Variants in OCIAD1 observed in about 807,000 individuals in gnomAD.
OCIAD1 encodes the protein OCIA domain-containing protein 1.
Under a neutral mutation model 38.9 loss-of-function variants are expected in OCIAD1, and 29 were observed. The ratio of observed to expected loss-of-function variants is 0.74; its 90% CI spans 0.55 to 1.02. OCIAD1 has a LOEUF of 1.02. Ranked by LOEUF, OCIAD1 falls within the 50% of genes least tolerant of loss-of-function variation. The pLI is 0.00. For synonymous variants in OCIAD1, 110 were observed against 92.0 expected (o/e 1.20, Z -1.12); for missense variants, 288 against 289.6 (o/e 0.99, Z 0.04).
upstream of OCIAD1, among the ~76,000 whole-genome samples, chr4:48,828,272 T>C (rs1777271266): frequency 6.6e-6 from 1 of 152,242 alleles, no homozygotes; most frequent in African/African-American, 2.4e-5. Flanking sequence ...ATCAGCACTC[T>C]GTGTCTAGCT....
chr4:48,827,809 C>T (rs1372962675), upstream of OCIAD1, among the ~76,000 whole-genome samples: 1 of 152,224 alleles, frequency 6.6e-6, no homozygotes, highest in African/African-American at 2.4e-5. Flanking sequence ...CCTGCAGCCC[C>T]GGCATGGGAT....
intron 8 of OCIAD1, chr4:48,860,182 CTTATA>C (rs1432973211): frequency 6.6e-6 from 1 of 152,356 alleles, no homozygotes; most frequent in Non-Finnish European, 1.5e-5. Flanking sequence ...GTATTTTCTT[CTTATA>C]GTAGTATTTA....
Position 48,857,295 on chromosome 4 carries a change from T to C in OCIAD1, c.630T>C (p.Tyr210=), listed in dbSNP as rs143788141. Residue 210 remains tyrosine, a synonymous_variant, in exon 8 of 9, where the codon TAT becomes TAC. Coordinates refer to ENST00000264312, the MANE Select transcript of OCIAD1 (RefSeq NM_017830.4). ...TAAGGAATAAGAACAGAGAGTCATA[T>C]GAAGTATCTTTAACACAAAAGACTG... is the stretch of plus-strand genomic sequence containing the variant. The part of the protein sequence containing the change: ...EELRNKNRES[Y]EVSLTQKTDP... 1,141 of 1,602,258 alleles carry C rather than the reference T, an allele frequency of 7.1e-4. 5 individuals carry two copies. Among genetic ancestry groups the C allele is most frequent in the Middle Eastern group, 5.5e-3 (33 of 6,010 alleles).
At chr4:48,810,193 G>A (rs1164270478) in intron 1 of OCIAD1, among the ~76,000 whole-genome samples, 1 of 152,116 alleles carries the variant, frequency 6.6e-6, no homozygotes, top group African/African-American at 2.4e-5. Context: ...AACTCGGTGT[G>A]TGTGTGTGTT....
chr4:48,843,605 A>G (rs1158465753), intron 4 of OCIAD1, among the ~76,000 whole-genome samples: 1 of 152,332 alleles, frequency 6.6e-6, no homozygotes, highest in South Asian at 2.1e-4. Flanking sequence ...ACAATACAGT[A>G]CCATGACAAA....
At chr4:48,829,965 T>A (rs556791334), upstream of OCIAD1, among the ~76,000 whole-genome samples, 2 of 152,322 alleles carry the variant, frequency 1.3e-5, no homozygotes, top group South Asian at 4.1e-4. Context: ...CTCTGGGGTG[T>A]ATTTCAGGGA....
Position 48,850,097 on chromosome 4 carries a change from G to C in OCIAD1, c.377+15G>C. 6.2e-7 allele frequency: 1 copy of C among 1,605,662 alleles called. No homozygotes were observed. The highest frequency in any genetic ancestry group is 8.5e-7 in the Non-Finnish European group (1 of 1,177,716). On this transcript the variant is annotated intron_variant, in intron 6 of 8. Coordinates refer to ENST00000264312, the MANE Select transcript of OCIAD1 (RefSeq NM_017830.4). ...TCACCACCTGGGTAGGCCAGATTCT[G>C]ATCTTTACTTAAGATTTTTAATTTT...
At chr4:48,833,114 G>T (rs1277910860) in intron 2 of OCIAD1, among the ~76,000 whole-genome samples, 1 of 152,086 alleles carries the variant, frequency 6.6e-6, no homozygotes, top group African/African-American at 2.4e-5. Context: ...AGCCTGGCGT[G>T]GTGATGGGTG....
chr4:48,839,679 A>T (rs945215913), intron 3 of OCIAD1, among the ~76,000 whole-genome samples: 1 of 152,172 alleles, frequency 6.6e-6, no homozygotes, highest in Non-Finnish European at 1.5e-5. Context: ...TGAAATAAAA[A>T]TTTTTATTGA....
At chr4:48,816,343 C>T (rs932483580) in intron 1 of OCIAD1, among the ~76,000 whole-genome samples, 1 of 152,042 alleles carries the variant, frequency 6.6e-6, no homozygotes, top group Middle Eastern at 3.2e-3. Context: ...ATTAAAAATA[C>T]AAAATATAGT....
At chr4:48,832,594 C>T (rs773873124) in intron 1 of OCIAD1, 26 bp from the exon 2 acceptor site, 7 of 1,576,270 alleles carry the variant, frequency 4.4e-6, no homozygotes, top group Admixed American at 1.7e-5. Flanking sequence ...GTTTCTAATA[C>T]TTAATATGTA....
At chr4:48,834,617 A>T (rs950150492) in intron 3 of OCIAD1, among the ~76,000 whole-genome samples, 23 of 152,174 alleles carry the variant, frequency 1.5e-4, no homozygotes, top group Non-Finnish European at 7.4e-5. Context: ...CAAAAATGAA[A>T]GAAATTAGCT....
intron 1 of OCIAD1, among the ~76,000 whole-genome samples, chr4:48,819,304 A>G (rs1159904013): frequency 6.6e-6 from 1 of 152,188 alleles, no homozygotes; most frequent in Non-Finnish European, 1.5e-5. Context: ...ACTAAGCTTC[A>G]TAAGAAAAGG....
chr4:48,816,330 G>A (rs1378814416), intron 1 of OCIAD1, among the ~76,000 whole-genome samples: 3 of 152,094 alleles, frequency 2.0e-5, no homozygotes, highest in South Asian at 2.1e-4. Flanking sequence ...TATGCTAATG[G>A]CAATTAAAAA....
At chr4:48,819,564 T>A (rs540179686) in intron 1 of OCIAD1, among the ~76,000 whole-genome samples, 1 of 151,928 alleles carries the variant, frequency 6.6e-6, no homozygotes, top group South Asian at 2.1e-4. Context: ...GCCTTCAGTG[T>A]AAATGGGCTA....
At chr4:48,833,200 C>A (rs1303744583) in intron 2 of OCIAD1, among the ~76,000 whole-genome samples, 1 of 151,928 alleles carries the variant, frequency 6.6e-6, no homozygotes, top group Non-Finnish European at 1.5e-5. Flanking sequence ...TGCAGTGAGC[C>A]GAGATCGCGC....
chr4:48,849,950 C>T lies in OCIAD1; in HGVS notation c.245C>T (p.Ala82Val), dbSNP rs1440149910. Reference sequence around the variant, plus strand: ...TTTGTTTGATTTTACAAATAAGTTGCTTGTATCATGGGATACTTTGCTGGA... The same window carrying T: ...TTTGTTTGATTTTACAAATAAGTTGTTTGTATCATGGGATACTTTGCTGGA... ...KYGSIPKLIL[A>V]CIMGYFAGKL... Residue 82 changes from alanine to valine, a missense_variant, in exon 6 of 9, where the codon GCT becomes GTT. By Grantham distance (64) the Ala-to-Val change is moderately conservative (BLOSUM62 0). Coordinates refer to ENST00000264312, the MANE Select transcript of OCIAD1 (RefSeq NM_017830.4). 6.2e-7 allele frequency: 1 copy of T among 1,600,838 alleles called. No homozygotes were observed. The highest frequency in any genetic ancestry group is 8.5e-7 in the Non-Finnish European group (1 of 1,176,110).
At chr4:48,850,145 A>G (rs879697367) in intron 6 of OCIAD1, 63 bp downstream of exon 6, 16 of 1,537,728 alleles carry the variant, frequency 1.0e-5, no homozygotes, top group East Asian at 9.2e-5. Context: ...AGATGTTGCT[A>G]TAACTCATGG....
intron 8 of OCIAD1, among the ~76,000 whole-genome samples, chr4:48,859,059 G>T (rs1780358648): frequency 6.6e-6 from 1 of 152,106 alleles, no homozygotes; most frequent in African/African-American, 2.4e-5. Flanking sequence ...CCTTCTTGAA[G>T]GTCATATGCC....
Sources: gnomAD v4.1 joint callset for allele counts (sites outside exome capture counted in the v4.1 genomes callset) on GRCh38, gnomAD v4.1.1 for gene constraint, MANE v1.5 for transcripts, NCBI Gene and HGNC (gene_info 2026-07-23, HGNC 2026-07-21) for gene names.